The following FGF14 variants were observed in gnomAD, a reference collection of about 807,000 sequenced individuals.
The protein encoded by FGF14 is fibroblast growth factor homologous factor 4.
FGF14 carries 5 observed loss-of-function variants against 25.5 expected under a neutral mutation model. The observed-to-expected ratio is 0.20, with a 90% confidence interval of 0.10 to 0.41. The LOEUF (loss-of-function observed/expected upper bound fraction) is 0.41. FGF14 is among the 10% of genes least tolerant of loss of function. The probability of loss-of-function intolerance (pLI) is 1.00; values close to 1 mark genes in which losing one functional copy is unlikely to be tolerated. For synonymous variants in FGF14, 138 were observed against 118.3 expected (o/e 1.17, Z -1.08); for missense variants, 222 against 320.1 (o/e 0.69, Z 2.34).
In FGF14 at chr13:101,742,683, C is replaced by A. The variant is rs574279707; in HGVS notation, c.409-15873G>T. 3.3e-5 allele frequency among the ~76,000 whole-genome samples: 5 copies of A among 152,194 alleles called. No individual in the cohort carries two copies. The South Asian group carries it at 1.0e-3, about 32-fold the overall frequency. On this transcript the variant is annotated intron_variant, in intron 3 of 4. Transcript: ENST00000376143. ...TAAAAGATGTGAAAGAAAAATAAAT[C>A]TCAGGACCCCAAAATCACTAAGTCA...
At chr13:102,103,160 T>C (rs1329585640) in intron 1 of FGF14, among the ~76,000 whole-genome samples, 2 of 152,164 alleles carry the variant, frequency 1.3e-5, no homozygotes, top group African/African-American at 2.4e-5. Flanking sequence ...AGGTTCCTGA[T>C]TAAACTCTGT....
intron 1 of FGF14, among the ~76,000 whole-genome samples, chr13:102,051,145 C>G (rs2042200178): frequency 6.6e-6 from 1 of 152,172 alleles, no homozygotes; most frequent in Non-Finnish European, 1.5e-5. Context: ...GGAGTGAGGA[C>G]TTAGCTCTGG....
chr13:101,884,918 C>T (rs980414460), intron 1 of FGF14, among the ~76,000 whole-genome samples: 1 of 151,890 alleles, frequency 6.6e-6, no homozygotes, highest in African/African-American at 2.4e-5. Flanking sequence ...AAACGCTGCC[C>T]CTTTCTTCTT....
intron 1 of FGF14, among the ~76,000 whole-genome samples, chr13:102,349,316 A>G (rs1283418976): frequency 1.3e-5 from 2 of 152,176 alleles, no homozygotes; most frequent in East Asian, 3.9e-4. Context: ...GACATAGTCA[A>G]CTTCCCTTTA....
chr13:102,144,060 G>A (rs1235769723), intron 1 of FGF14, among the ~76,000 whole-genome samples: 8 of 152,024 alleles, frequency 5.3e-5, no homozygotes, highest in South Asian at 2.1e-4. Flanking sequence ...CTGTTGCCCC[G>A]GCTGGAATGC....
chr13:102,269,876 T>C (rs1378723178), intron 1 of FGF14, among the ~76,000 whole-genome samples: 1 of 151,928 alleles, frequency 6.6e-6, no homozygotes, highest in Non-Finnish European at 1.5e-5. Context: ...ATAGATACCA[T>C]CTGTTTGGAA....
At chr13:101,788,558 C>T (rs1359339744) in intron 3 of FGF14, among the ~76,000 whole-genome samples, 1 of 151,960 alleles carries the variant, frequency 6.6e-6, no homozygotes, top group African/African-American at 2.4e-5. Context: ...GTAAGAGAGA[C>T]AAATTCGATT....
intron 3 of FGF14, among the ~76,000 whole-genome samples, chr13:101,741,524 T>C (rs892099780): frequency 6.6e-6 from 1 of 152,130 alleles, no homozygotes; most frequent in Non-Finnish European, 1.5e-5. Flanking sequence ...TCTTAACTTT[T>C]TCAGGATAAT....
intron 1 of FGF14, among the ~76,000 whole-genome samples, chr13:101,987,266 C>T (rs2139649811): frequency 6.6e-6 from 1 of 152,256 alleles, no homozygotes; most frequent in South Asian, 2.1e-4. Context: ...CTACTGCGCC[C>T]TGCTCTCCTA....
intron 3 of FGF14, among the ~76,000 whole-genome samples, chr13:101,819,966 ATCATTTTTC>A (rs1455736012): frequency 6.6e-6 from 1 of 152,200 alleles, no homozygotes; most frequent in African/African-American, 2.4e-5. Context: ...CATTATACTC[ATCATTTTTC>A]TCATCTAAGA....
chr13:102,131,211 T>C (rs747544633), intron 1 of FGF14, among the ~76,000 whole-genome samples: 9 of 152,096 alleles, frequency 5.9e-5, no homozygotes, highest in African/African-American at 1.7e-4. Flanking sequence ...AGCTGAAAAA[T>C]TGGGATATAT....
At chr13:102,267,333 A>G (rs899006557) in intron 1 of FGF14, among the ~76,000 whole-genome samples, 2 of 152,140 alleles carry the variant, frequency 1.3e-5, no homozygotes, top group African/African-American at 4.8e-5. Flanking sequence ...TGTGGTGGAG[A>G]AAAAGCAAAT....
intron 1 of FGF14, among the ~76,000 whole-genome samples, chr13:102,022,897 A>C (rs1211820669): frequency 2.0e-5 from 3 of 152,068 alleles, no homozygotes; most frequent in Admixed American, 2.0e-4. Context: ...AAAATTTCTC[A>C]ATCTATTAAC....
At chr13:102,274,785 G>A (rs1439339508) in intron 1 of FGF14, among the ~76,000 whole-genome samples, 1 of 151,960 alleles carries the variant, frequency 6.6e-6, no homozygotes, top group Non-Finnish European at 1.5e-5. Context: ...GGTTATGTCT[G>A]ACTTGGAGTA....
At chr13:102,005,906 A>G (rs931808918) in intron 1 of FGF14, among the ~76,000 whole-genome samples, 2 of 152,234 alleles carry the variant, frequency 1.3e-5, no homozygotes, top group Admixed American at 6.5e-5. Context: ...AGAAAAATTA[A>G]AGCAAATGAG....
intron 1 of FGF14, among the ~76,000 whole-genome samples, chr13:102,228,836 A>G (rs1031256832): frequency 2.0e-5 from 3 of 152,180 alleles, no homozygotes; most frequent in Admixed American, 1.3e-4. Context: ...CCTCTGTCCT[A>G]TGCAAGCTGA....
At chr13:102,129,834 A>T (rs965272011) in intron 1 of FGF14, among the ~76,000 whole-genome samples, 2 of 151,438 alleles carry the variant, frequency 1.3e-5, no homozygotes, top group African/African-American at 4.9e-5. Context: ...GTATAATAAT[A>T]AAAAAAAAGA....
intron 1 of FGF14, among the ~76,000 whole-genome samples, chr13:102,110,265 T>TGTGCA (rs2045152543): frequency 6.6e-6 from 1 of 152,236 alleles, no homozygotes; most frequent in Non-Finnish European, 1.5e-5. Context: ...TCCCCAAAGC[T>TGTGCA]GTGCACAGTG....
At chr13:101,991,264 T>C (rs1325338781) in intron 1 of FGF14, among the ~76,000 whole-genome samples, 1 of 152,158 alleles carries the variant, frequency 6.6e-6, no homozygotes, top group Non-Finnish European at 1.5e-5. Flanking sequence ...TAATATATTC[T>C]TGAATTTATT....
Sources: allele counts gnomAD v4.1 joint callset (sites outside exome capture counted in the v4.1 genomes callset), GRCh38; gene constraint gnomAD v4.1.1; transcripts MANE v1.5; gene names NCBI Gene and HGNC (gene_info 2026-07-23, HGNC 2026-07-21).